The following AFF2 variants were observed in gnomAD, a reference collection of about 807,000 sequenced individuals.
The protein encoded by AFF2 is AF4/FMR2 family member 2.
AFF2 carries 14 observed loss-of-function variants against 76.9 expected under a neutral mutation model. The ratio of observed to expected loss-of-function variants is 0.18; its 90% confidence interval spans 0.12 to 0.28. The LOEUF (loss-of-function observed/expected upper bound fraction) is 0.28, where lower values mean the gene tolerates loss of function less well. AFF2 is among the 10% of genes least tolerant of loss of function. The pLI is 1.00. For synonymous variants in AFF2, 398 were observed against 366.7 expected (o/e 1.09, Z -0.98); for missense variants, 868 against 1,001.1 (o/e 0.87, Z 1.79).
intron 15 of AFF2, among the ~76,000 whole-genome samples, chrX:148,970,250 A>T (rs782630372): frequency 1.2e-3 from 138 of 112,331 alleles, no homozygotes; most frequent in Non-Finnish European, 2.1e-3. Context: ...GAATTCCTGC[A>T]GCTCATAAAA....
At chrX:148,788,437 T>C (rs1557269708) in intron 3 of AFF2, among the ~76,000 whole-genome samples, 1 of 111,925 alleles carries the variant, frequency 8.9e-6, no homozygotes, top group African/African-American at 3.2e-5. Flanking sequence ...AAAATTTGCA[T>C]TATTGCAGGT....
intron 1 of AFF2, among the ~76,000 whole-genome samples, chrX:148,620,901 T>C (rs781970962): frequency 2.7e-5 from 3 of 112,232 alleles, no homozygotes; most frequent in African/African-American, 9.7e-5. Context: ...TTTTCTGGTC[T>C]GCCCTTTGTT....
chrX:148,949,204 A>G (rs1470908253), intron 9 of AFF2, among the ~76,000 whole-genome samples: 1 of 111,471 alleles, frequency 9.0e-6, no homozygotes, highest in Admixed American at 9.6e-5. Context: ...GCATCTATTC[A>G]TTAATTATGG....
At chrX:148,926,145 G>A (rs1020890208) in intron 9 of AFF2, among the ~76,000 whole-genome samples, 1 of 111,612 alleles carries the variant, frequency 9.0e-6, no homozygotes, top group Non-Finnish European at 1.9e-5. Context: ...AAGCTGATCT[G>A]ACATTCCTGG....
chrX:148,678,684 A>G (rs1443698506), intron 3 of AFF2, among the ~76,000 whole-genome samples: 1 of 112,129 alleles, frequency 8.9e-6, no homozygotes, highest in Non-Finnish European at 1.9e-5. Flanking sequence ...AAAGATACAT[A>G]TAAAAGTTCC....
chrX:148,789,756 T>A (rs1338162409), intron 3 of AFF2, among the ~76,000 whole-genome samples: 2 of 111,856 alleles, frequency 1.8e-5, no homozygotes, highest in Non-Finnish European at 3.8e-5. Context: ...AATTGTAGAG[T>A]ATTATAAAAT....
chrX:148,534,547 A>G (rs1421061797), intron 1 of AFF2, among the ~76,000 whole-genome samples: 1 of 112,548 alleles, frequency 8.9e-6, no homozygotes, highest in East Asian at 2.8e-4. Flanking sequence ...GACATGTCAC[A>G]TAGTTTTGTA....
At chrX:148,570,832 A>G (rs782590005) in intron 1 of AFF2, among the ~76,000 whole-genome samples, 1 of 110,417 alleles carries the variant, frequency 9.1e-6, no homozygotes, top group Non-Finnish European at 1.9e-5. Context: ...CATCGCTCCA[A>G]TCCTCCACCT....
chrX:148,528,231 T>C (rs1184231106), intron 1 of AFF2, among the ~76,000 whole-genome samples: 1 of 112,125 alleles, frequency 8.9e-6, no homozygotes, highest in Non-Finnish European at 1.9e-5. Flanking sequence ...TTTGTTAATT[T>C]GGTATTTGAT....
chrX:148,516,095 C>T (rs184607818), intron 1 of AFF2, among the ~76,000 whole-genome samples: 1 of 111,329 alleles, frequency 9.0e-6, no homozygotes, highest in Non-Finnish European at 1.9e-5. Flanking sequence ...CTCTTCAGTT[C>T]ACGTCAGCCC....
At chrX:148,929,608 A>G (rs2071689975) in intron 9 of AFF2, among the ~76,000 whole-genome samples, 1 of 111,760 alleles carries the variant, frequency 8.9e-6, no homozygotes, top group Admixed American at 9.5e-5. Context: ...GAAAATGTCT[A>G]TTTCTGTGTT....
chrX:148,992,368 A>G lies in AFF2; in HGVS notation c.*1036A>G, dbSNP rs1214050549. 8.9e-6 allele frequency: 1 copy of G among 112,344 alleles called. No individual in the cohort carries two copies. Among genetic ancestry groups the G allele is most frequent in the Non-Finnish European group, 1.9e-5 (1 of 53,285 alleles). 9.3% of individuals were successfully genotyped at this position (112,344 alleles called of 1,213,427 possible). On this transcript the variant is annotated 3_prime_UTR_variant, in exon 21 of 21. Coordinates refer to ENST00000370460, the MANE Select transcript of AFF2 (RefSeq NM_002025.4). ...GGTATCACTACCTAGAAGTAATGAT[A>G]TACAGTTTTCTTCCTAGTGGCTTGA...
In AFF2 at chrX:148,995,010, A is replaced by C. The variant is rs2072578247; in HGVS notation, c.*3678A>C. On this transcript the variant is annotated 3_prime_UTR_variant, in exon 21 of 21. Coordinates refer to ENST00000370460, the MANE Select transcript of AFF2 (RefSeq NM_002025.4). ...CCCATTGAGAAAAATGTGTGGCAAG[A>C]TGATACAGCTACACAGTATCAAATG... is the stretch of plus-strand genomic sequence containing the variant. 8.9e-6 allele frequency: 1 copy of C among 111,967 alleles called. No individual in the cohort carries two copies. The highest frequency in any genetic ancestry group is 1.9e-5 in the Non-Finnish European group (1 of 53,139). The allele number at this position is 111,967 out of a possible 1,213,427, so 9.2% of individuals were successfully genotyped here.
chrX:148,880,098 G>T (rs1475848500), intron 7 of AFF2, among the ~76,000 whole-genome samples: 1 of 112,136 alleles, frequency 8.9e-6, no homozygotes, highest in Non-Finnish European at 1.9e-5. Context: ...TTCCTATAGA[G>T]TATAATACAG....
rs1569558178 is a variant in AFF2 at position 148,999,580 on chromosome X, G to A, written c.*8248G>A. The A allele has an allele frequency of 1.0e-5, 1 of 98,252 alleles. No individual in the cohort carries two copies. The highest frequency in any genetic ancestry group is 2.1e-5 in the Non-Finnish European group (1 of 48,031). 8.1% of individuals were successfully genotyped at this position (98,252 alleles called of 1,213,427 possible). A position where few individuals can be genotyped will look rare whatever the true frequency, so the allele number is the denominator to read the frequency against. ...ACTGCACAAAGAGTACACATCGTCAGTGTGTGTGTGTGTGTGTGTGTGCGC... is the reference window on the plus strand; with the variant it reads ...ACTGCACAAAGAGTACACATCGTCAATGTGTGTGTGTGTGTGTGTGTGCGC... On this transcript the variant is annotated 3_prime_UTR_variant, in exon 21 of 21. Transcript: ENST00000370460.
At chrX:148,625,527 C>T (rs781870513) in intron 1 of AFF2, among the ~76,000 whole-genome samples, 1 of 110,426 alleles carries the variant, frequency 9.1e-6, no homozygotes, top group African/African-American at 3.3e-5. Flanking sequence ...GGCCTCCCAC[C>T]AATTAGAGGA....
At chrX:148,535,607 T>A (rs2052775614) in intron 1 of AFF2, among the ~76,000 whole-genome samples, 2 of 112,681 alleles carry the variant, frequency 1.8e-5, no homozygotes, top group South Asian at 7.2e-4. Flanking sequence ...AGAAATATTT[T>A]TTATTATTTT....
At chrX:148,784,211 C>G (rs1294280459) in intron 3 of AFF2, among the ~76,000 whole-genome samples, 1 of 112,117 alleles carries the variant, frequency 8.9e-6, no homozygotes, top group Non-Finnish European at 1.9e-5. Flanking sequence ...AACAATGCTG[C>G]CACCCCTAAG....
intron 3 of AFF2, among the ~76,000 whole-genome samples, chrX:148,806,385 C>T (rs1336647852): frequency 1.8e-5 from 2 of 111,939 alleles, no homozygotes; most frequent in Non-Finnish European, 3.8e-5. Context: ...GCCTCTCACT[C>T]CCATATGGAG....
Sources: gnomAD v4.1 joint callset for allele counts (sites outside exome capture counted in the v4.1 genomes callset) on GRCh38, gnomAD v4.1.1 for gene constraint, MANE v1.5 for transcripts, NCBI Gene and HGNC (gene_info 2026-07-23, HGNC 2026-07-21) for gene names.